The following MAGI2 variants were observed in gnomAD, a reference collection of about 807,000 sequenced individuals.
The protein encoded by MAGI2 is membrane associated guanylate kinase, WW and PDZ domain containing 2.
In MAGI2, 35 loss-of-function variants were observed where a neutral mutation model predicts 133.3. The observed-to-expected ratio is 0.26, with a 90% CI of 0.20 to 0.35. The LOEUF (loss-of-function observed/expected upper bound fraction) is 0.35, where lower values mean the gene tolerates loss of function less well. MAGI2 is among the 10% of genes least tolerant of loss of function. The pLI is 1.00. For synonymous variants in MAGI2, 729 were observed against 710.6 expected (o/e 1.03, Z -0.41); for missense variants, 1,636 against 1,863.4 (o/e 0.88, Z 2.25).
At chr7:78,803,822 T>C (rs977178488) in intron 2 of MAGI2, among the ~76,000 whole-genome samples, 3 of 152,246 alleles carry the variant, frequency 2.0e-5, no homozygotes, top group Admixed American at 2.0e-4. Context: ...AACTCTAGAC[T>C]ATTCTTCAAG....
intron 2 of MAGI2, among the ~76,000 whole-genome samples, chr7:78,782,461 C>T (rs1826476455): frequency 6.6e-6 from 1 of 151,942 alleles, no homozygotes; most frequent in Admixed American, 6.6e-5. Context: ...AGTGTGGAAT[C>T]CTTGACAGAA....
chr7:78,500,015 T>C (rs895708979), intron 5 of MAGI2, among the ~76,000 whole-genome samples: 1 of 152,248 alleles, frequency 6.6e-6, no homozygotes, highest in Admixed American at 6.5e-5. Context: ...CAATAAGAAA[T>C]AATGTAAGAG....
intron 16 of MAGI2, among the ~76,000 whole-genome samples, chr7:78,139,426 T>A (rs1428822279): frequency 6.6e-6 from 1 of 152,186 alleles, no homozygotes; most frequent in African/African-American, 2.4e-5. Context: ...TGCAGTTCCA[T>A]TTGCTCAGTG....
chr7:79,278,030 C>A (rs529343522), intron 1 of MAGI2, among the ~76,000 whole-genome samples: 1 of 152,270 alleles, frequency 6.6e-6, no homozygotes, highest in East Asian at 1.9e-4. Flanking sequence ...GATGTCCCCT[C>A]CAAATCTCAT....
intron 9 of MAGI2, among the ~76,000 whole-genome samples, chr7:78,341,543 A>G (rs1486185647): frequency 6.6e-6 from 1 of 152,222 alleles, no homozygotes; most frequent in Non-Finnish European, 1.5e-5. Context: ...GCATCACACT[A>G]CATGCCTTCC....
rs1017719745 is a variant in MAGI2 at position 79,155,543 on chromosome 7, G to T, written c.302-148337C>A. Among the ~76,000 whole-genome samples, 3 of 152,080 alleles carry T rather than the reference G, an allele frequency of 2.0e-5. No homozygotes were observed. The East Asian group carries it at 5.8e-4, about 29-fold the overall frequency. ...CCAGGTAACAAAAAAATTTAAGTAGGCTGCTGGGAAGGTGAGGAGAAAGAA... is the reference window on the plus strand; with the variant it reads ...CCAGGTAACAAAAAAATTTAAGTAGTCTGCTGGGAAGGTGAGGAGAAAGAA... On this transcript the variant is annotated intron_variant, in intron 1 of 21. Transcript: ENST00000354212.
intron 1 of MAGI2, among the ~76,000 whole-genome samples, chr7:79,419,079 A>G (rs949529223): frequency 6.6e-6 from 1 of 152,094 alleles, no homozygotes; most frequent in African/African-American, 2.4e-5. Flanking sequence ...TATTTTACTT[A>G]ATACTGACCA....
intron 2 of MAGI2, among the ~76,000 whole-genome samples, chr7:78,707,189 A>C (rs1818739873): frequency 6.6e-6 from 1 of 152,170 alleles, no homozygotes; most frequent in South Asian, 2.1e-4. Context: ...AATATTAAAG[A>C]ATAAATTAGC....
At chr7:79,436,242 A>T (rs1302822426) in intron 1 of MAGI2, among the ~76,000 whole-genome samples, 2 of 151,286 alleles carry the variant, frequency 1.3e-5, no homozygotes, top group Non-Finnish European at 2.9e-5. Context: ...AAAAAAAAAA[A>T]GTCCTTGAAG....
chr7:79,071,758 C>T (rs1245538528), intron 1 of MAGI2, among the ~76,000 whole-genome samples: 1 of 152,044 alleles, frequency 6.6e-6, no homozygotes, highest in Non-Finnish European at 1.5e-5. Flanking sequence ...TTTGTTTACA[C>T]TGTGAGGGGA....
chr7:78,361,065 G>T (rs1457128098), intron 7 of MAGI2, among the ~76,000 whole-genome samples: 1 of 151,464 alleles, frequency 6.6e-6, no homozygotes, highest in Non-Finnish European at 1.5e-5. Context: ...AGCCTCTCCA[G>T]AAGTGCCTAA....
At chr7:78,299,760 C>G (rs1052270217) in intron 9 of MAGI2, among the ~76,000 whole-genome samples, 33 of 152,034 alleles carry the variant, frequency 2.2e-4, no homozygotes, top group African/African-American at 7.8e-4. Context: ...CTCCTCTCAA[C>G]CCCCACCCTC....
chr7:78,584,554 G>A (rs772376013), intron 3 of MAGI2, among the ~76,000 whole-genome samples: 3 of 151,964 alleles, frequency 2.0e-5, no homozygotes, highest in Admixed American at 6.5e-5. Context: ...TTTCTGCATG[G>A]CATCAGCACA....
chr7:78,392,399 A>G (rs1795977177), intron 6 of MAGI2, among the ~76,000 whole-genome samples: 1 of 152,222 alleles, frequency 6.6e-6, no homozygotes. Flanking sequence ...ACTTTTGCAG[A>G]GAATGGGCAA....
At chr7:78,153,981 T>A (rs1477175626) in intron 16 of MAGI2, among the ~76,000 whole-genome samples, 1 of 152,228 alleles carries the variant, frequency 6.6e-6, no homozygotes, top group Non-Finnish European at 1.5e-5. Context: ...AGACCTTGGC[T>A]TTTGTTTTAC....
chr7:78,821,048 T>C (rs1790050572), intron 2 of MAGI2, among the ~76,000 whole-genome samples: 1 of 152,054 alleles, frequency 6.6e-6, no homozygotes, highest in Non-Finnish European at 1.5e-5. Flanking sequence ...GGAGAAGTAG[T>C]GCTGAATGCT....
intron 2 of MAGI2, among the ~76,000 whole-genome samples, chr7:78,778,128 G>C (rs767577463): frequency 2.2e-4 from 34 of 152,128 alleles, no homozygotes; most frequent in Middle Eastern, 3.2e-3. Flanking sequence ...ATTTTCACCA[G>C]AGGATCATGC....
intron 3 of MAGI2, among the ~76,000 whole-genome samples, chr7:78,532,620 T>G (rs537587482): frequency 6.6e-6 from 1 of 152,334 alleles, no homozygotes; most frequent in African/African-American, 2.4e-5. Flanking sequence ...GAGTTGACAT[T>G]TTTATTGTAA....
intron 1 of MAGI2, among the ~76,000 whole-genome samples, chr7:79,392,126 G>C (rs1275919841): frequency 1.3e-5 from 2 of 152,084 alleles, no homozygotes; most frequent in Admixed American, 1.3e-4. Context: ...CTCTGTTCCT[G>C]TGTTAGTTTG....
Sources: gnomAD v4.1 joint callset for allele counts (sites outside exome capture counted in the v4.1 genomes callset) on GRCh38, gnomAD v4.1.1 for gene constraint, MANE v1.5 for transcripts, NCBI Gene and HGNC (gene_info 2026-07-23, HGNC 2026-07-21) for gene names.